TMEM132D: variants seen among roughly 807,000 people sequenced by gnomAD.
TMEM132D encodes mature OL transmembrane protein.
In TMEM132D, 21 loss-of-function variants were observed where a neutral mutation model predicts 62.3. The ratio of observed to expected loss-of-function variants is 0.34; its 90% CI spans 0.24 to 0.49. The LOEUF (loss-of-function observed/expected upper bound fraction) is 0.49. Among genes scored for constraint, TMEM132D ranks in the 20% least tolerant of loss-of-function variants. The pLI, the probability that TMEM132D is intolerant of heterozygous loss-of-function variation, is 0.99. For missense variants in TMEM132D, 1,346 were observed against 1,402.8 expected, an observed-to-expected ratio of 0.96 and a Z score of 0.65; for synonymous variants, 621 against 575.6, an observed-to-expected ratio of 1.08 and a Z score of -1.13.
intron 4 of TMEM132D, among the ~76,000 whole-genome samples, chr12:129,281,116 A>G (rs896422905): frequency 1.3e-5 from 2 of 152,134 alleles, no homozygotes; most frequent in African/African-American, 4.8e-5. Context: ...TAATCAGAAA[A>G]TAACTCAGGA....
At chr12:129,592,919 T>G (rs994575484) in intron 2 of TMEM132D, among the ~76,000 whole-genome samples, 1 of 152,150 alleles carries the variant, frequency 6.6e-6, no homozygotes, top group African/African-American at 2.4e-5. Context: ...ATTGTTTTCA[T>G]GTACATGTGC....
intron 3 of TMEM132D, among the ~76,000 whole-genome samples, chr12:129,408,485 T>G (rs532722456): frequency 2.0e-5 from 3 of 151,876 alleles, no homozygotes; most frequent in Admixed American, 6.6e-5. Flanking sequence ...CCAATACTGA[T>G]GTCTTAATCC....
intron 3 of TMEM132D, among the ~76,000 whole-genome samples, chr12:129,495,894 TGTCA>T (rs1874939502): frequency 6.6e-6 from 1 of 152,300 alleles, no homozygotes; most frequent in African/African-American, 2.4e-5. Flanking sequence ...TCTCCATAAA[TGTCA>T]GTCAAAGTGA....
At chr12:129,504,483 T>C (rs904158376) in intron 3 of TMEM132D, among the ~76,000 whole-genome samples, 5 of 152,166 alleles carry the variant, frequency 3.3e-5, no homozygotes, top group Non-Finnish European at 7.3e-5. Flanking sequence ...GGGTTTTATC[T>C]TTCCAGGAAT....
chr12:129,865,652 G>A (rs1874036029), intron 1 of TMEM132D, among the ~76,000 whole-genome samples: 1 of 152,200 alleles, frequency 6.6e-6, no homozygotes, highest in South Asian at 2.1e-4. Context: ...TGAACTGTGG[G>A]GAGCAAGGGT....
At chr12:129,440,983 G>A (rs571681237) in intron 3 of TMEM132D, among the ~76,000 whole-genome samples, 5 of 152,252 alleles carry the variant, frequency 3.3e-5, no homozygotes, top group African/African-American at 1.2e-4. Context: ...ACCAATTATC[G>A]TTGAGGTCTT....
At chr12:129,298,116 A>T (rs1881621744) in intron 4 of TMEM132D, among the ~76,000 whole-genome samples, 1 of 152,074 alleles carries the variant, frequency 6.6e-6, no homozygotes, top group Non-Finnish European at 1.5e-5. Flanking sequence ...CATGGGTGGG[A>T]TTCATACATA....
chr12:129,084,957 C>T, intron 5 of TMEM132D: 1 of 545,866 alleles, frequency 1.8e-6, no homozygotes, highest in Non-Finnish European at 3.2e-6. Flanking sequence ...TGGTGGACTC[C>T]TCCCCAGGGG....
intron 1 of TMEM132D, among the ~76,000 whole-genome samples, chr12:129,706,060 T>A (rs1881499582): frequency 6.6e-6 from 1 of 151,976 alleles, no homozygotes. Flanking sequence ...ACAGAAACAG[T>A]TTACTGAATA....
intron 1 of TMEM132D, among the ~76,000 whole-genome samples, chr12:129,778,985 C>T (rs983185798): frequency 2.0e-5 from 3 of 152,210 alleles, no homozygotes; most frequent in South Asian, 4.1e-4. Flanking sequence ...GTTTCTTTCT[C>T]TCTCACGTAA....
At chr12:129,394,932 G>C (rs546797311) in intron 3 of TMEM132D, among the ~76,000 whole-genome samples, 14 of 152,254 alleles carry the variant, frequency 9.2e-5, no homozygotes, top group Non-Finnish European at 2.1e-4. Flanking sequence ...GTAAACACAC[G>C]AACAGTCTTT....
rs373173074 is a variant in TMEM132D, at chr12:129,758,976, C to A, written c.80-58278G>T. Among the ~76,000 whole-genome samples, 275 of 151,642 alleles carry A rather than the reference C, an allele frequency of 1.8e-3. 1 individual carries two copies. The highest frequency in any genetic ancestry group is 6.4e-3 in the African/African-American group (265 of 41,316). The stretch of plus-strand genomic sequence containing the variant: ...TAGATGGAGTTTCACTCTTGTCTCC[C>A]AGGCTGGAGTGCAGTGGCGCAATCT... On this transcript the variant is annotated intron_variant, in intron 1 of 8. Coordinates refer to ENST00000422113, the MANE Select transcript of TMEM132D (RefSeq NM_133448.3).
intron 3 of TMEM132D, among the ~76,000 whole-genome samples, chr12:129,382,617 G>C (rs182047367): frequency 2.8e-3 from 432 of 152,300 alleles, no homozygotes; most frequent in Non-Finnish European, 5.3e-3. Flanking sequence ...GCCAAAGAGG[G>C]AAGAGGGAGG....
chr12:129,228,863 T>C (rs1879555981), intron 4 of TMEM132D, among the ~76,000 whole-genome samples: 1 of 152,258 alleles, frequency 6.6e-6, no homozygotes, highest in Non-Finnish European at 1.5e-5. Context: ...TTTAATTCTT[T>C]TTCAATGGAT....
chr12:129,168,209 G>T (rs1877619008), intron 5 of TMEM132D, among the ~76,000 whole-genome samples: 1 of 151,840 alleles, frequency 6.6e-6, no homozygotes, highest in East Asian at 1.9e-4. Flanking sequence ...TTCCACTAAG[G>T]AGTCTGCTAT....
chr12:129,134,512 G>T (rs1876498674), intron 5 of TMEM132D, among the ~76,000 whole-genome samples: 1 of 152,094 alleles, frequency 6.6e-6, no homozygotes, highest in African/African-American at 2.4e-5. Context: ...GGGTGGAAAT[G>T]ATTTAGAGCT....
At chr12:129,666,824 A>C (rs915348596) in intron 2 of TMEM132D, among the ~76,000 whole-genome samples, 1 of 152,244 alleles carries the variant, frequency 6.6e-6, no homozygotes, top group Non-Finnish European at 1.5e-5. Context: ...TTTACATACA[A>C]GGTGTGTAGG....
intron 4 of TMEM132D, among the ~76,000 whole-genome samples, chr12:129,243,157 C>T (rs1460540972): frequency 1.3e-5 from 2 of 152,214 alleles, no homozygotes; most frequent in African/African-American, 2.4e-5. Flanking sequence ...CTTTAGCCTT[C>T]TCAGGTCAAA....
At chr12:129,397,081 A>G (rs1871452204) in intron 3 of TMEM132D, among the ~76,000 whole-genome samples, 1 of 152,184 alleles carries the variant, frequency 6.6e-6, no homozygotes, top group Non-Finnish European at 1.5e-5. Context: ...GCAGAAAAAT[A>G]ACCCCATTCT....
Sources: allele counts gnomAD v4.1 joint callset (sites outside exome capture counted in the v4.1 genomes callset), GRCh38; gene constraint gnomAD v4.1.1; transcripts MANE v1.5; gene names NCBI Gene and HGNC (gene_info 2026-07-23, HGNC 2026-07-21).